The following PTPRA variants were observed in gnomAD, a reference collection of about 807,000 sequenced individuals.
PTPRA encodes protein tyrosine phosphatase receptor type A.
In PTPRA, 25 loss-of-function variants were observed where a neutral mutation model predicts 104.8. The observed-to-expected ratio is 0.24, with a 90% CI of 0.17 to 0.33. PTPRA has a LOEUF of 0.33. Among genes scored for constraint, PTPRA ranks in the 10% least tolerant of loss-of-function variants. The probability of loss-of-function intolerance (pLI) is 1.00; values close to 1 mark genes in which losing one functional copy is unlikely to be tolerated. For synonymous variants in PTPRA, 323 were observed against 368.9 expected, an observed-to-expected ratio of 0.88 and a Z score of 1.43; for missense variants, 765 against 1,015.3, an observed-to-expected ratio of 0.75 and a Z score of 3.35.
rs767557370 is a variant in PTPRA at position 2,923,217 on chromosome 20, T to TA, written c.-109dup. ...TTCCTTTTGTTGCAGGTGACACAACTAAAAAAAAACAAAGGTATTTATGGA... is the reference window on the plus strand; with the variant it reads ...TTCCTTTTGTTGCAGGTGACACAACTAAAAAAAAAACAAAGGTATTTATGGA... On this transcript the variant is annotated 5_prime_UTR_variant, in exon 2 of 24. Coordinates refer to ENST00000399903, the MANE Select transcript of PTPRA (RefSeq NM_001385305.1). The TA allele has an allele frequency of 2.5e-3, 2,949 of 1,191,222 alleles. 12 individuals are homozygous for TA. The highest frequency in any genetic ancestry group is 4.3e-3 in the African/African-American group (268 of 62,508). 73.8% of individuals were successfully genotyped at this position (1,191,222 alleles called of 1,614,324 possible).
intron 3 of PTPRA, among the ~76,000 whole-genome samples, chr20:2,948,237 C>T (rs939233174): frequency 1.3e-5 from 2 of 152,156 alleles, no homozygotes; most frequent in Non-Finnish European, 2.9e-5. Flanking sequence ...GACTATAGCC[C>T]ATCAACTACA....
chr20:2,939,953 A>C (rs906251930), intron 2 of PTPRA, among the ~76,000 whole-genome samples: 4 of 151,982 alleles, frequency 2.6e-5, no homozygotes, highest in Non-Finnish European at 4.4e-5. Flanking sequence ...CTAAAAATAC[A>C]AAAAAAATTA....
intron 10 of PTPRA, among the ~76,000 whole-genome samples, chr20:3,006,758 G>A (rs2148310247): frequency 6.6e-6 from 1 of 152,240 alleles, no homozygotes; most frequent in African/African-American, 2.4e-5. Flanking sequence ...CTCCCAAGTA[G>A]CTGGGACTAC....
At position 3,027,217 on chromosome 20, in the gene PTPRA, C is replaced by T. The variant is rs776179581; in HGVS notation, c.1785+20C>T. ...ATTGATGTAAGTGGTGGGTGTGACC[C>T]CTGAGCCCCCAACACCCCGTGGAGA... On this transcript the variant is annotated intron_variant, in intron 19 of 23. Coordinates refer to ENST00000399903, the MANE Select transcript of PTPRA (RefSeq NM_001385305.1). The T allele has an allele frequency of 7.1e-5, 115 of 1,608,760 alleles. No homozygotes were observed. Among genetic ancestry groups the T allele is most frequent in the Non-Finnish European group, 9.3e-5 (109 of 1,175,286 alleles).
Position 2,981,659 on chromosome 20 carries a change from C to T in PTPRA, c.443-5106C>T, listed in dbSNP as rs549584111. Among the ~76,000 whole-genome samples the T allele has an allele frequency of 2.6e-5, 4 of 151,916 alleles. No homozygotes were observed. The South Asian group carries it at 6.3e-4, about 24-fold the overall frequency. On this transcript the variant is annotated intron_variant, in intron 6 of 23. Coordinates refer to ENST00000399903, the MANE Select transcript of PTPRA (RefSeq NM_001385305.1). ...CTACTCTGTGTAGAGCACTGTTTTT[C>T]CAGCTGAGTCTAGATGGGAAGCCCC...
chr20:2,919,260 T>C lies in PTPRA; in HGVS notation c.-128-3947T>C, dbSNP rs377028146. Among the ~76,000 whole-genome samples, 13 of 152,342 alleles carry C rather than the reference T, an allele frequency of 8.5e-5. No homozygotes were observed. In the East Asian group the frequency reaches 9.6e-4, roughly 11 times the overall value. On this transcript the variant is annotated intron_variant, in intron 1 of 23. Transcript: ENST00000399903. ...TGTGCTTAATAAGAAATGTGGGCCA[T>C]GTCTGCCTGAGCCTTTATTTAATGC...
chr20:2,974,244 G>A (rs555750460), intron 5 of PTPRA, among the ~76,000 whole-genome samples: 2 of 151,882 alleles, frequency 1.3e-5, no homozygotes, highest in East Asian at 1.9e-4. Context: ...GTGAGCCACC[G>A]CGCCCGGCCG....
chr20:3,033,697 T>A (rs567269933), intron 20 of PTPRA, among the ~76,000 whole-genome samples: 46 of 151,288 alleles, frequency 3.0e-4, no homozygotes, highest in African/African-American at 1.1e-3. Flanking sequence ...AGGTCGGGAG[T>A]TCGAGACCAG....
At chr20:2,958,173 G>A (rs953222505) in intron 3 of PTPRA, among the ~76,000 whole-genome samples, 5 of 152,144 alleles carry the variant, frequency 3.3e-5, no homozygotes, top group Non-Finnish European at 7.4e-5. Context: ...CTGAAGGCCT[G>A]GGTGAGGTCA....
At chr20:2,919,363 C>T (rs1338766231) in intron 1 of PTPRA, among the ~76,000 whole-genome samples, 1 of 152,086 alleles carries the variant, frequency 6.6e-6, no homozygotes, top group East Asian at 1.9e-4. Context: ...TAAAAAGAAA[C>T]GGATGCCTTA....
intron 9 of PTPRA, among the ~76,000 whole-genome samples, chr20:2,997,137 TATG>T (rs1274838771): frequency 1.2e-4 from 6 of 48,482 alleles, no homozygotes; most frequent in Non-Finnish European, 2.4e-4. Flanking sequence ...TGAGAAAACA[TATG>T]TGGGATAATT....
chr20:2,882,686 A>G (rs1396892972), intron 1 of PTPRA, among the ~76,000 whole-genome samples: 6 of 152,162 alleles, frequency 3.9e-5, no homozygotes, highest in Admixed American at 3.9e-4. Flanking sequence ...TGGAGAAGAC[A>G]TATTTTTAAT....
chr20:2,988,307 CCTGA>C (rs1309875100), intron 8 of PTPRA, 27 bp from the exon 9 acceptor site: 6 of 1,573,696 alleles, frequency 3.8e-6, no homozygotes, highest in Non-Finnish European at 5.1e-6. Flanking sequence ...TCTCAGGGTA[CCTGA>C]CTGACCTTCT....
chr20:2,984,581 T>G (rs1461822916), intron 6 of PTPRA, among the ~76,000 whole-genome samples: 1 of 152,254 alleles, frequency 6.6e-6, no homozygotes, highest in Non-Finnish European at 1.5e-5. Flanking sequence ...GTTTAGCTTT[T>G]AACAGAATGT....
At chr20:3,006,691 G>T (rs6138976) in intron 10 of PTPRA, among the ~76,000 whole-genome samples, 2,311 of 152,158 alleles carry the variant, frequency 0.015, 119 homozygotes, top group Admixed American at 0.09. Flanking sequence ...GCAGTGGCAC[G>T]ATCTTGGCTC....
In PTPRA at chr20:3,038,156, C is replaced by T; in HGVS notation, c.*23C>T. ...TAAGCGGCAACAAGGGTCCGTGGAC[C>T]AGGAGGATTGCCTTTAATATTTTGT... is the stretch of plus-strand genomic sequence containing the variant. On this transcript the variant is annotated 3_prime_UTR_variant, in exon 24 of 24. Transcript: ENST00000399903. 6.3e-7 allele frequency: 1 copy of T among 1,577,270 alleles called. No individual in the cohort carries two copies. Among genetic ancestry groups the T allele is most frequent in the South Asian group, 1.1e-5 (1 of 90,174 alleles).
chr20:2,876,307 C>G (rs1285512088), intron 1 of PTPRA, among the ~76,000 whole-genome samples: 1 of 152,094 alleles, frequency 6.6e-6, no homozygotes, highest in Non-Finnish European at 1.5e-5. Flanking sequence ...AAAAATGTCC[C>G]TCCTACCCTG....
intron 2 of PTPRA, among the ~76,000 whole-genome samples, chr20:2,932,400 G>C (rs191073109): frequency 6.6e-5 from 10 of 152,270 alleles, no homozygotes; most frequent in Admixed American, 5.9e-4. Context: ...AGCTCATAGA[G>C]TTAAAGCTCT....
Position 2,943,699 on chromosome 20 carries a change from A to G in PTPRA, c.-49-4283A>G, listed in dbSNP as rs553870022. ...TTAATCTCCAAATAAAGACAGTAAC[A>G]AAGTCATACTTCTGCTTAGCATGAA... On this transcript the variant is annotated intron_variant, in intron 2 of 23. Transcript: ENST00000399903. 2.6e-5 allele frequency among the ~76,000 whole-genome samples: 4 copies of G among 152,322 alleles called. No homozygotes were observed. The South Asian group carries it at 8.3e-4, about 32-fold the overall frequency.
Sources: allele counts gnomAD v4.1 joint callset (sites outside exome capture counted in the v4.1 genomes callset), GRCh38; gene constraint gnomAD v4.1.1; transcripts MANE v1.5; gene names NCBI Gene and HGNC (gene_info 2026-07-23, HGNC 2026-07-21).